HAVCR1: variants seen among roughly 807,000 people sequenced by gnomAD.
The protein encoded by HAVCR1 is T cell immunoglobin domain and mucin domain protein 1.
HAVCR1 carries 34 observed loss-of-function variants against 32.0 expected under a neutral mutation model. The ratio of observed to expected loss-of-function variants is 1.06; its 90% confidence interval spans 0.81 to 1.42. HAVCR1 has a LOEUF of 1.42. Ranked by LOEUF, HAVCR1 falls within the 40% of genes most tolerant of loss-of-function variation. HAVCR1 has a pLI of 0.00. For synonymous variants in HAVCR1, 178 were observed against 170.3 expected (o/e 1.05, Z -0.35); for missense variants, 420 against 442.3 (o/e 0.95, Z 0.45).
At chr5:157,041,577 A>T (rs1474543610) in intron 6 of HAVCR1, among the ~76,000 whole-genome samples, 1 of 152,248 alleles carries the variant, frequency 6.6e-6, no homozygotes, top group Non-Finnish European at 1.5e-5. Context: ...TAGACATTTT[A>T]AAATTTCTAC....
upstream of HAVCR1, among the ~76,000 whole-genome samples, chr5:157,062,172 T>C (rs1043097415): frequency 6.6e-6 from 1 of 152,120 alleles, no homozygotes; most frequent in African/African-American, 2.4e-5. Flanking sequence ...ACTAGGGAGC[T>C]GCATCTGTAT....
chr5:157,033,958 C>G (rs1754337215), intron 7 of HAVCR1, among the ~76,000 whole-genome samples: 1 of 152,116 alleles, frequency 6.6e-6, no homozygotes, highest in Non-Finnish European at 1.5e-5. Context: ...GAGGCTGAGG[C>G]AGGAGAATTG....
In HAVCR1 at chr5:157,029,676, T is replaced by C. The variant is rs751500388; in HGVS notation, c.*57A>G. On this transcript the variant is annotated 3_prime_UTR_variant, in exon 9 of 9. Transcript: ENST00000523175. ...GTCTAAAAGACGTCTGATGTGCTGA[T>C]GTCTGTTCAGTCTTCTGCACTCATG... 7 of 1,609,124 alleles carry C rather than the reference T, an allele frequency of 4.4e-6. No individual in the cohort carries two copies. Among genetic ancestry groups the C allele is most frequent in the Non-Finnish European group, 2.5e-6 (3 of 1,178,440 alleles).
intron 6 of HAVCR1, among the ~76,000 whole-genome samples, chr5:157,040,546 T>A (rs1399070459): frequency 6.6e-6 from 1 of 152,236 alleles, no homozygotes; most frequent in African/African-American, 2.4e-5. Flanking sequence ...CCCACTTTGA[T>A]CATTTTGAAT....
the HAVCR1 span, among the ~76,000 whole-genome samples, chr5:157,067,209 A>G: frequency 6.6e-6 from 1 of 152,224 alleles, no homozygotes; most frequent in South Asian, 2.1e-4. Flanking sequence ...AAGAGGACTC[A>G]CATCAGCAGA....
chr5:157,044,597 A>AAGAAAG (rs1554090503), intron 5 of HAVCR1, among the ~76,000 whole-genome samples: 3 of 83,344 alleles, frequency 3.6e-5, no homozygotes, highest in South Asian at 5.1e-4. Flanking sequence ...GAAAGAAAGA[A>AAGAAAG]AGAAAGAAAG....
intron 5 of HAVCR1, among the ~76,000 whole-genome samples, chr5:157,044,372 G>T (rs191746478): frequency 6.3e-5 from 2 of 31,924 alleles, no homozygotes; most frequent in African/African-American, 2.5e-4. Flanking sequence ...AAAGGACGAA[G>T]GAAGGAAGGA....
In HAVCR1 at chr5:157,049,111, T is replaced by G; in HGVS notation, c.708A>C (p.Glu236Asp). Residue 236 changes from glutamate to aspartate, a missense_variant, in exon 5 of 9, where the codon GAA (glutamate) becomes GAC (aspartate). Glu to Asp is a conservative substitution (Grantham distance 45). Coordinates refer to ENST00000523175, the MANE Select transcript of HAVCR1 (RefSeq NM_001173393.3). Reference protein sequence around the residue: ...ATSPSSPQPAETHPTTLQGAI... With the variant: ...ATSPSSPQPADTHPTTLQGAI... ...CTCCCTGCAGTGTCGTAGGGTGGGTTTCTGCTGGCTGAGGTGAAGATGGTG... is the reference window on the plus strand; with the variant it reads ...CTCCCTGCAGTGTCGTAGGGTGGGTGTCTGCTGGCTGAGGTGAAGATGGTG... 1 of 1,612,962 alleles carries G rather than the reference T, an allele frequency of 6.2e-7. No homozygotes were observed. Among genetic ancestry groups the G allele is most frequent in the East Asian group, 2.2e-5 (1 of 44,880 alleles).
intron 1 of HAVCR1, chr5:157,058,157 A>G: frequency 5.6e-6 from 3 of 532,208 alleles, no homozygotes; most frequent in Non-Finnish European, 1.0e-5. Flanking sequence ...TGTGCCTTCC[A>G]AAGGACAGGG....
upstream of HAVCR1, among the ~76,000 whole-genome samples, chr5:157,059,409 C>T (rs1756412279): frequency 6.6e-6 from 1 of 152,204 alleles, no homozygotes; most frequent in Non-Finnish European, 1.5e-5. Flanking sequence ...GGCATGGTGG[C>T]TCGTGCCTGT....
chr5:157,052,227 C>T, intron 4 of HAVCR1, 134 bp downstream of exon 4: 2 of 751,034 alleles, frequency 2.7e-6, no homozygotes, highest in South Asian at 3.5e-5. Context: ...GGATCACAAA[C>T]CCTGAGGAGA....
Position 157,044,797 on chromosome 5 carries a change from T to G in HAVCR1, c.782-2115A>C, listed in dbSNP as rs1347294925. 3.3e-5 allele frequency among the ~76,000 whole-genome samples: 5 copies of G among 151,410 alleles called. No individual in the cohort carries two copies. In the Admixed American group the frequency reaches 3.3e-4, roughly 10 times the overall value. On this transcript the variant is annotated intron_variant, in intron 5 of 8. Transcript: ENST00000523175. Reference sequence around the variant, plus strand: ...AGGTATTATGACCTTAAGTAACAGTTTCAGGAAGAGGATGGGGTGATGCAG... The same window carrying G: ...AGGTATTATGACCTTAAGTAACAGTGTCAGGAAGAGGATGGGGTGATGCAG...
chr5:157,046,234 G>C (rs537324916), intron 5 of HAVCR1, among the ~76,000 whole-genome samples: 4 of 152,140 alleles, frequency 2.6e-5, no homozygotes, highest in Admixed American at 6.6e-5. Flanking sequence ...AGTACAATGA[G>C]TCATACACAC....
intron 6 of HAVCR1, among the ~76,000 whole-genome samples, chr5:157,039,698 C>A (rs1561584810): frequency 6.6e-6 from 1 of 152,164 alleles, no homozygotes; most frequent in African/African-American, 2.4e-5. Context: ...ACTAAGTAAT[C>A]CCTTACTATT....
chr5:157,034,721 G>A (rs889495074), intron 7 of HAVCR1, among the ~76,000 whole-genome samples: 4 of 152,076 alleles, frequency 2.6e-5, no homozygotes, highest in South Asian at 2.1e-4. Context: ...CTGGGTACTC[G>A]AGACTGGAGA....
chr5:157,034,648 T>C (rs1316985097), intron 7 of HAVCR1, among the ~76,000 whole-genome samples: 2 of 152,024 alleles, frequency 1.3e-5, no homozygotes. Context: ...GGGAGAAACC[T>C]TGGACAATAC....
At chr5:157,051,502 T>C (rs890020123) in intron 4 of HAVCR1, among the ~76,000 whole-genome samples, 2 of 152,174 alleles carry the variant, frequency 1.3e-5, no homozygotes, top group African/African-American at 4.8e-5. Flanking sequence ...GATCAAAACG[T>C]GACTCGACCA....
At chr5:157,064,806 T>G in the HAVCR1 span, among the ~76,000 whole-genome samples, 31 of 152,128 alleles carry the variant, frequency 2.0e-4, no homozygotes, top group African/African-American at 7.2e-4. Flanking sequence ...AGGCAGAGGT[T>G]GGAGTGAGCC....
At chr5:157,058,221 C>T (rs923962045) in intron 1 of HAVCR1, 41 of 392,932 alleles carry the variant, frequency 1.0e-4, no homozygotes, top group African/African-American at 5.3e-4. Context: ...CCACACATAA[C>T]CGCCAAACTG....
Sources: gnomAD v4.1 joint callset for allele counts (sites outside exome capture counted in the v4.1 genomes callset) on GRCh38, gnomAD v4.1.1 for gene constraint, MANE v1.5 for transcripts, NCBI Gene and HGNC (gene_info 2026-07-23, HGNC 2026-07-21) for gene names.